CHM: variants seen among roughly 807,000 people sequenced by gnomAD.
CHM encodes the protein rab proteins geranylgeranyltransferase component A 1.
A neutral mutation model predicts 49.0 loss-of-function variants in CHM; 10 were observed. That is an observed-to-expected ratio of 0.20 (90% confidence interval 0.13 to 0.35). The LOEUF is 0.35. CHM is among the 10% of genes least tolerant of loss of function. CHM has a pLI of 1.00. For missense variants in CHM, 455 were observed against 478.4 expected (o/e 0.95, Z 0.46); for synonymous variants, 184 against 167.5 (o/e 1.10, Z -0.76).
At chrX:85,994,449 G>T (rs1288907491) in intron 2 of CHM, among the ~76,000 whole-genome samples, 1 of 111,468 alleles carries the variant, frequency 9.0e-6, no homozygotes, top group African/African-American at 3.3e-5. Flanking sequence ...CAAGAATGGG[G>T]ACACAGATGA....
Position 85,874,358 on chromosome X carries a change from T to C in CHM, c.1610-1146A>G, listed in dbSNP as rs370456921. ...AATCTGAACAAAAGTTCAAATTTTG[T>C]ACAATAATAATGAATGTTTATGAAG... On this transcript the variant is annotated intron_variant, in intron 13 of 14. Transcript: ENST00000357749. Among the ~76,000 whole-genome samples the C allele has an allele frequency of 9.0e-5, 10 of 111,658 alleles. No homozygotes were observed. In the East Asian group the frequency reaches 2.8e-3, roughly 31 times the overall value.
chrX:85,914,538 G>A (rs189870070), intron 8 of CHM, among the ~76,000 whole-genome samples: 216 of 110,272 alleles, frequency 2.0e-3, no homozygotes, highest in African/African-American at 6.4e-3. Context: ...TCAACGGTGC[G>A]CACTCAACTA....
At chrX:86,002,293 T>C (rs1235573453) in intron 2 of CHM, among the ~76,000 whole-genome samples, 1 of 112,215 alleles carries the variant, frequency 8.9e-6, no homozygotes, top group East Asian at 2.8e-4. Flanking sequence ...AGAGTGCTCA[T>C]GGACTCTTCA....
intron 14 of CHM, among the ~76,000 whole-genome samples, chrX:85,866,690 G>T (rs759925049): frequency 8.8e-6 from 1 of 113,221 alleles, no homozygotes; most frequent in Non-Finnish European, 1.9e-5. Context: ...AGAGCCACAG[G>T]GTTGGAACTG....
At chrX:85,937,110 CA>C (rs1341844306) in intron 8 of CHM, among the ~76,000 whole-genome samples, 1 of 108,974 alleles carries the variant, frequency 9.2e-6, no homozygotes, top group East Asian at 2.9e-4. Flanking sequence ...ACTAAAAATA[CA>C]AAAAATTAGC....
At chrX:85,939,288 T>C (rs1928967608) in intron 8 of CHM, among the ~76,000 whole-genome samples, 2 of 112,468 alleles carry the variant, frequency 1.8e-5, no homozygotes, top group African/African-American at 6.5e-5. Flanking sequence ...CTAAAAAATG[T>C]AGAAGAAAAT....
At chrX:85,983,639 A>G (rs952993710) in intron 2 of CHM, among the ~76,000 whole-genome samples, 2 of 112,000 alleles carry the variant, frequency 1.8e-5, no homozygotes, top group Non-Finnish European at 3.8e-5. Context: ...TTTGCAATCA[A>G]CATAAAGTCT....
intron 4 of CHM, among the ~76,000 whole-genome samples, chrX:85,966,152 C>T (rs1930568502): frequency 9.0e-6 from 1 of 110,553 alleles, no homozygotes; most frequent in African/African-American, 3.3e-5. Context: ...GAGTTCAAGA[C>T]CAGCCTGACC....
At chrX:85,967,355 G>C (rs1055374450) in intron 4 of CHM, among the ~76,000 whole-genome samples, 22 of 112,118 alleles carry the variant, frequency 2.0e-4, no homozygotes, top group Non-Finnish European at 3.9e-4. Flanking sequence ...AAAAGTGTTT[G>C]AAAACTATAA....
intron 2 of CHM, among the ~76,000 whole-genome samples, chrX:86,005,889 T>G (rs776699748): frequency 7.2e-5 from 8 of 111,719 alleles, no homozygotes; most frequent in African/African-American, 2.6e-4. Flanking sequence ...TAGAAAAAGA[T>G]GGAATCCTCC....
In CHM at chrX:85,873,060, C is replaced by T; in HGVS notation, c.1762G>A (p.Val588Ile). 2.5e-6 allele frequency: 3 copies of T among 1,208,214 alleles called. No individual in the cohort carries two copies. Among genetic ancestry groups the T allele is most frequent in the Non-Finnish European group, 3.4e-6 (3 of 892,927 alleles). Residue 588 changes from valine (V) to isoleucine (I), a missense_variant, in exon 14 of 15, where the codon GTC becomes ATC. By Grantham distance (29) the Val-to-Ile change is conservative (BLOSUM62 3). Coordinates refer to ENST00000357749, the MANE Select transcript of CHM (RefSeq NM_000390.4). ...AACATCAAGAGCCTTACCTGTTTGACTGCATTATCATTTCCTAAACCACAA... is the reference window on the plus strand; with the variant it reads ...AACATCAAGAGCCTTACCTGTTTGATTGCATTATCATTTCCTAAACCACAA... ...PDCGLGNDNAVKQAETLFQEI... is the reference protein window; with the variant it reads ...PDCGLGNDNAIKQAETLFQEI...
intron 8 of CHM, among the ~76,000 whole-genome samples, chrX:85,919,450 T>C (rs1927652153): frequency 1.8e-5 from 2 of 111,482 alleles, no homozygotes; most frequent in Non-Finnish European, 3.8e-5. Context: ...TGAAGTATTT[T>C]TAGGCTAAAT....
chrX:86,007,629 C>T (rs1173493072), intron 2 of CHM, among the ~76,000 whole-genome samples: 37 of 112,335 alleles, frequency 3.3e-4, no homozygotes, highest in South Asian at 1.1e-3. Context: ...AAGAAGACAT[C>T]TATGCAGCCA....
chrX:85,907,085 G>A (rs1256448742), intron 9 of CHM, among the ~76,000 whole-genome samples: 1 of 111,910 alleles, frequency 8.9e-6, no homozygotes, highest in African/African-American at 3.3e-5. Flanking sequence ...AGCTGAGATT[G>A]CACCACTGCA....
intron 12 of CHM, among the ~76,000 whole-genome samples, chrX:85,879,990 C>T (rs1485507615): frequency 9.1e-6 from 1 of 110,166 alleles, no homozygotes; most frequent in Non-Finnish European, 1.9e-5. Context: ...CAAATTTTAT[C>T]ATGAAAGCCA....
At chrX:85,955,816 A>G (rs1489169397) in intron 8 of CHM, among the ~76,000 whole-genome samples, 1 of 112,197 alleles carries the variant, frequency 8.9e-6, no homozygotes, top group Non-Finnish European at 1.9e-5. Context: ...GTTCATCAAC[A>G]GAAAAATGAA....
intron 12 of CHM, among the ~76,000 whole-genome samples, chrX:85,881,487 CATTTTACAGATGAGA>C: frequency 8.9e-6 from 1 of 112,121 alleles, no homozygotes; most frequent in Non-Finnish European, 1.9e-5. Flanking sequence ...CTGTTATTCT[CATTTTACAGATGAGA>C]AAACAGGGAT....
At chrX:85,910,883 C>T (rs779507841) in intron 9 of CHM, among the ~76,000 whole-genome samples, 2 of 105,093 alleles carry the variant, frequency 1.9e-5, no homozygotes, top group Admixed American at 1.1e-4. Flanking sequence ...CATCACCCAC[C>T]CCCTGGCAGC....
chrX:86,047,411 C>G (rs937081567), intron 1 of CHM, 73 bp downstream of exon 1: 2 of 984,505 alleles, frequency 2.0e-6, no homozygotes, highest in African/African-American at 3.8e-5. Flanking sequence ...TCCCAAAACT[C>G]GCCACTGACA....
Sources: gnomAD v4.1 joint callset for allele counts (sites outside exome capture counted in the v4.1 genomes callset) on GRCh38, gnomAD v4.1.1 for gene constraint, MANE v1.5 for transcripts, NCBI Gene and HGNC (gene_info 2026-07-23, HGNC 2026-07-21) for gene names.